Variants in OLFM4 observed in about 807,000 individuals in gnomAD.
OLFM4 encodes the protein olfactomedin 4.
A neutral mutation model predicts 25.5 loss-of-function variants in OLFM4; 22 were observed. The ratio of observed to expected loss-of-function variants is 0.86; its 90% CI spans 0.62 to 1.23. OLFM4 has a LOEUF of 1.23. Among genes scored for constraint, OLFM4 ranks in the 50% most tolerant of loss-of-function variants. The pLI, the probability that OLFM4 is intolerant of heterozygous loss-of-function variation, is 0.00. For missense variants in OLFM4, 594 were observed against 619.4 expected (o/e 0.96, Z 0.44); for synonymous variants, 255 against 237.7 (o/e 1.07, Z -0.67).
chr13:53,035,503 T>C (rs1019521394), intron 2 of OLFM4, among the ~76,000 whole-genome samples: 1 of 152,180 alleles, frequency 6.6e-6, no homozygotes, highest in South Asian at 2.1e-4. Flanking sequence ...TACAATGAAA[T>C]TATTATGGAC....
intron 2 of OLFM4, among the ~76,000 whole-genome samples, chr13:53,037,030 C>G (rs146146872): frequency 6.6e-6 from 1 of 152,196 alleles, no homozygotes; most frequent in African/African-American, 2.4e-5. Context: ...TAGCTGAGGG[C>G]TTTCGAATTT....
At position 53,042,134 on chromosome 13, in the gene OLFM4, A is replaced by G. The variant is rs780255773; in HGVS notation, c.570+12A>G. The G allele has an allele frequency of 2.5e-6, 4 of 1,609,184 alleles. No individual in the cohort carries two copies. Among genetic ancestry groups the G allele is most frequent in the Non-Finnish European group, 3.4e-6 (4 of 1,175,978 alleles). On this transcript the variant is annotated intron_variant, in intron 3 of 4. Transcript: ENST00000219022. ...AGCTGGAGGTGGAGGTAAGGAGTGA[A>G]CTCACTTCTTGGTAAATTAATAATA...
intron 2 of OLFM4, among the ~76,000 whole-genome samples, chr13:53,040,265 A>G (rs1223045090): frequency 6.6e-6 from 1 of 152,244 alleles, no homozygotes; most frequent in Non-Finnish European, 1.5e-5. Flanking sequence ...GAAGTATTTT[A>G]ACTTAATGAT....
chr13:53,038,189 G>T (rs534708435), intron 2 of OLFM4, among the ~76,000 whole-genome samples: 2 of 152,082 alleles, frequency 1.3e-5, no homozygotes, highest in African/African-American at 4.8e-5. Flanking sequence ...GTTTAGCAGC[G>T]TCCCTGGTCT....
intron 4 of OLFM4, among the ~76,000 whole-genome samples, chr13:53,043,480 CACAA>C (rs1566319048): frequency 6.6e-6 from 1 of 151,044 alleles, no homozygotes; most frequent in Admixed American, 6.6e-5. Flanking sequence ...AGAGGAAGAG[CACAA>C]ACAATGAGTT....
At chr13:53,045,732 CAAGTG>C (rs1566319780) in intron 4 of OLFM4, among the ~76,000 whole-genome samples, 3 of 152,172 alleles carry the variant, frequency 2.0e-5, no homozygotes. Flanking sequence ...GAACTTAGAA[CAAGTG>C]AATGTATCCC....
intron 2 of OLFM4, among the ~76,000 whole-genome samples, chr13:53,037,133 GA>G (rs1385363313): frequency 6.6e-6 from 1 of 152,234 alleles, no homozygotes; most frequent in East Asian, 1.9e-4. Context: ...CAGGCCAGTA[GA>G]AAAGGTTTTT....
chr13:53,034,246 A>C lies in OLFM4; in HGVS notation c.205-102A>C, dbSNP rs1954645237. ...TTCATTTATGTATTGGACTCCACTT[A>C]CTTGCCTGTAAGTACTCTCGACAAG... On this transcript the variant is annotated intron_variant, in intron 1 of 4. Transcript: ENST00000219022. The C allele has an allele frequency of 2.8e-6, 3 of 1,080,550 alleles. No individual in the cohort carries two copies. In the South Asian group the frequency reaches 4.5e-5, roughly 16 times the overall value. 66.9% of individuals were successfully genotyped at this position (1,080,550 alleles called of 1,614,324 possible). A position where few individuals can be genotyped will look rare whatever the true frequency, so the allele number is the denominator to read the frequency against.
At chr13:53,030,579 G>A (rs1481034036) in intron 1 of OLFM4, among the ~76,000 whole-genome samples, 1 of 152,182 alleles carries the variant, frequency 6.6e-6, no homozygotes, top group Middle Eastern at 3.2e-3. Flanking sequence ...GGGATTACAG[G>A]CATGAGCCAC....
At chr13:53,031,321 G>A (rs1413513530) in intron 1 of OLFM4, among the ~76,000 whole-genome samples, 1 of 152,158 alleles carries the variant, frequency 6.6e-6, no homozygotes, top group Non-Finnish European at 1.5e-5. Context: ...CTGTCATTGA[G>A]TAAGTTCCAA....
At chr13:53,030,696 T>A (rs1593476493) in intron 1 of OLFM4, among the ~76,000 whole-genome samples, 1 of 152,226 alleles carries the variant, frequency 6.6e-6, no homozygotes, top group Admixed American at 6.5e-5. Flanking sequence ...GTCATTAGTT[T>A]TAAGTCACTA....
chr13:53,050,309 G>T lies in OLFM4; in HGVS notation c.1071G>T (p.Thr357=), dbSNP rs141366865. 1.5e-4 allele frequency: 244 copies of T among 1,614,020 alleles called. 1 individual carries two copies. In the African/African-American group the frequency reaches 3.0e-3, roughly 20 times the overall value. ...NIARVNLTTN[T]IAVTQTLPNA... is the part of the protein sequence containing the mutation. ...CCAGAGTTAACCTGACCACCAACAC[G>T]ATTGCTGTGACTCAAACTCTCCCTA... is the stretch of plus-strand genomic sequence containing the variant. Residue 357 remains threonine, a synonymous_variant, in exon 5 of 5, where the codon ACG becomes ACT. Coordinates refer to ENST00000219022, the MANE Select transcript of OLFM4 (RefSeq NM_006418.5).
In OLFM4 at chr13:53,050,431, C is replaced by T. The variant is rs1566321454; in HGVS notation, c.1193C>T (p.Thr398Ile). 1 of 1,613,918 alleles carries T rather than the reference C, an allele frequency of 6.2e-7. No individual in the cohort carries two copies. The highest frequency in any genetic ancestry group is 1.7e-5 in the Admixed American group (1 of 59,974). ...AATGGATTGTGGGTTATTTATTCAA[C>T]TGAAGCCAGCACTGGTAACATGGTG... ...DENGLWVIYSTEASTGNMVIS... is the reference protein window; with the variant it reads ...DENGLWVIYSIEASTGNMVIS... The change falls in exon 5 of 5, where the codon ACT (threonine) becomes ATT (isoleucine). Residue 398 changes from threonine to isoleucine, a missense_variant. By Grantham distance (89) the Thr-to-Ile change is moderately conservative (BLOSUM62 -1). Coordinates refer to ENST00000219022, the MANE Select transcript of OLFM4 (RefSeq NM_006418.5).
intron 1 of OLFM4, among the ~76,000 whole-genome samples, chr13:53,032,837 C>G (rs1414860935): frequency 6.6e-6 from 1 of 152,096 alleles, no homozygotes; most frequent in Non-Finnish European, 1.5e-5. Flanking sequence ...ATAGAAGCAT[C>G]TAGACCCAGC....
chr13:53,029,128 A>T, intron 1 of OLFM4, 88 bp downstream of exon 1: 2 of 1,553,590 alleles, frequency 1.3e-6, no homozygotes. Context: ...GGATGGCTAG[A>T]CCTGGGCACT....
At position 53,051,066 on chromosome 13, in the gene OLFM4, C is replaced by G; in HGVS notation, c.*295C>G. 1 of 295,062 alleles carries G rather than the reference C, an allele frequency of 3.4e-6. No homozygotes were observed. Among genetic ancestry groups the G allele is most frequent in the Non-Finnish European group, 6.2e-6 (1 of 161,648 alleles). The allele number at this position is 295,062 out of a possible 1,614,324, so 18.3% of individuals were successfully genotyped here. On this transcript the variant is annotated 3_prime_UTR_variant, in exon 5 of 5. Transcript: ENST00000219022. The stretch of plus-strand genomic sequence containing the variant: ...TACTGTGAGGAGGCTTCACTAGAAG[C>G]CTTAAATTAGGAATTAAGGAACTTA...
chr13:53,041,725 A>G (rs767797110), intron 2 of OLFM4, among the ~76,000 whole-genome samples, 185 bp from the exon 3 acceptor site: 1 of 152,198 alleles, frequency 6.6e-6, no homozygotes, highest in Non-Finnish European at 1.5e-5. Context: ...CTTCAATTGG[A>G]GTAATAAGTT....
intron 1 of OLFM4, among the ~76,000 whole-genome samples, chr13:53,031,122 A>G (rs1327113785): frequency 6.6e-6 from 1 of 152,228 alleles, no homozygotes; most frequent in African/African-American, 2.4e-5. Flanking sequence ...TAGATGAGAC[A>G]TGGTAGTTAA....
Position 53,038,784 on chromosome 13 carries a change from G to T in OLFM4, c.358-3126G>T, listed in dbSNP as rs563519873. On this transcript the variant is annotated intron_variant, in intron 2 of 4. Coordinates refer to ENST00000219022, the MANE Select transcript of OLFM4 (RefSeq NM_006418.5). ...CTGACATGTGGTCAGCATTGTCCAC[G>T]CATTCCCAAAGCTACAGATTCATAT... Among the ~76,000 whole-genome samples, 11 of 152,306 alleles carry T rather than the reference G, an allele frequency of 7.2e-5. No homozygotes were observed. In the East Asian group the frequency reaches 1.9e-3, roughly 27 times the overall value.
Sources: gnomAD v4.1 joint callset for allele counts (sites outside exome capture counted in the v4.1 genomes callset) on GRCh38, gnomAD v4.1.1 for gene constraint, MANE v1.5 for transcripts, NCBI Gene and HGNC (gene_info 2026-07-23, HGNC 2026-07-21) for gene names.